AGBL4: variants seen among roughly 807,000 people sequenced by gnomAD.
AGBL4 encodes AGBL carboxypeptidase 4.
Under a neutral mutation model 66.4 loss-of-function variants are expected in AGBL4, and 58 were observed. The ratio of observed to expected loss-of-function variants is 0.87; its 90% confidence interval spans 0.71 to 1.09. AGBL4 has a LOEUF of 1.09. Ranked by LOEUF, AGBL4 falls within the 50% of genes least tolerant of loss-of-function variation. The pLI, the probability that AGBL4 is intolerant of heterozygous loss-of-function variation, is 0.00. For synonymous variants in AGBL4, 234 were observed against 222.9 expected (o/e 1.05, Z -0.44); for missense variants, 579 against 631.0 (o/e 0.92, Z 0.88).
intron 3 of AGBL4, among the ~76,000 whole-genome samples, chr1:49,302,608 TTTTTA>T (rs1167039507): frequency 0.076 from 8,362 of 109,514 alleles, 442 homozygotes; most frequent in East Asian, 0.16. Flanking sequence ...TTATTTTATT[TTTTTA>T]TTTTATTTTA....
At chr1:49,561,044 T>G (rs867468700) in intron 3 of AGBL4, among the ~76,000 whole-genome samples, 2 of 152,062 alleles carry the variant, frequency 1.3e-5, no homozygotes, top group Non-Finnish European at 2.9e-5. Flanking sequence ...AGTAAGGACA[T>G]GGAAAACACA....
intron 6 of AGBL4, among the ~76,000 whole-genome samples, chr1:48,853,299 T>C (rs1647073583): frequency 6.6e-6 from 1 of 152,210 alleles, no homozygotes; most frequent in African/African-American, 2.4e-5. Context: ...ACATCTTAAC[T>C]ATAACCTCAT....
At chr1:49,155,657 A>G (rs143209331) in intron 4 of AGBL4, among the ~76,000 whole-genome samples, 2 of 152,320 alleles carry the variant, frequency 1.3e-5, no homozygotes, top group East Asian at 3.9e-4. Context: ...GTAGGTGAGT[A>G]AAGTAAGATG....
At chr1:48,578,384 G>A (rs1644686605) in intron 11 of AGBL4, among the ~76,000 whole-genome samples, 1 of 152,124 alleles carries the variant, frequency 6.6e-6, no homozygotes, top group South Asian at 2.1e-4. Flanking sequence ...ATGTCTGTAG[G>A]GAGGAGAAAA....
At chr1:49,923,777 C>T (rs556982086) in intron 1 of AGBL4, among the ~76,000 whole-genome samples, 45 of 152,178 alleles carry the variant, frequency 3.0e-4, no homozygotes, top group African/African-American at 1.1e-3. Context: ...CCATTTCACA[C>T]CAGTCAGAAT....
intron 4 of AGBL4, among the ~76,000 whole-genome samples, chr1:49,141,593 A>G (rs1646119133): frequency 6.6e-6 from 1 of 151,848 alleles, no homozygotes; most frequent in Non-Finnish European, 1.5e-5. Context: ...AGAAAACTGA[A>G]GAGGCTAGAT....
intron 2 of AGBL4, among the ~76,000 whole-genome samples, chr1:49,801,457 T>A (rs574892317): frequency 6.6e-6 from 1 of 152,316 alleles, no homozygotes; most frequent in Non-Finnish European, 1.5e-5. Flanking sequence ...TAAAAAAGTG[T>A]TGTTTCAAGC....
intron 4 of AGBL4, among the ~76,000 whole-genome samples, chr1:49,238,640 A>C (rs1325540718): frequency 2.0e-5 from 3 of 152,182 alleles, no homozygotes; most frequent in Non-Finnish European, 4.4e-5. Context: ...TATGCTTCCT[A>C]CTAGCCCTTT....
chr1:48,641,676 G>A (rs548626940), intron 8 of AGBL4, among the ~76,000 whole-genome samples: 6 of 152,084 alleles, frequency 3.9e-5, no homozygotes, highest in East Asian at 1.9e-4. Context: ...ACAGTGTCTC[G>A]TACACAGCTG....
chr1:49,588,930 T>C (rs151237344), intron 3 of AGBL4, among the ~76,000 whole-genome samples: 188 of 148,918 alleles, frequency 1.3e-3, no homozygotes, highest in African/African-American at 4.6e-3. Context: ...ATGCTTCATT[T>C]ATGTTAGAAA....
Position 49,458,427 on chromosome 1 carries a change from T to C in AGBL4, c.283-212563A>G, listed in dbSNP as rs570959325. On this transcript the variant is annotated intron_variant, in intron 3 of 13. Coordinates refer to ENST00000371839, the MANE Select transcript of AGBL4 (RefSeq NM_032785.4). ...GTATCCTGAAACTTTACTGAATTCA[T>C]TTATCAGGTCTAGGTATTTTTTTAG... Among the ~76,000 whole-genome samples the C allele has an allele frequency of 1.1e-4, 16 of 151,856 alleles. No individual in the cohort carries two copies. The South Asian group carries it at 3.3e-3, about 32-fold the overall frequency.
intron 3 of AGBL4, among the ~76,000 whole-genome samples, chr1:49,593,334 G>C (rs1157172022): frequency 1.3e-5 from 2 of 151,534 alleles, no homozygotes; most frequent in Non-Finnish European, 2.9e-5. Context: ...GTGAACCCAG[G>C]AGGCAGAGCT....
chr1:48,998,492 A>T (rs2148987954), intron 5 of AGBL4, among the ~76,000 whole-genome samples: 1 of 152,300 alleles, frequency 6.6e-6, no homozygotes, highest in Non-Finnish European at 1.5e-5. Context: ...TCACTGCAAT[A>T]AATACCAGGC....
intron 3 of AGBL4, among the ~76,000 whole-genome samples, chr1:49,636,729 G>T (rs773767902): frequency 6.6e-6 from 1 of 152,124 alleles, no homozygotes; most frequent in Non-Finnish European, 1.5e-5. Context: ...GACTTGAAAG[G>T]CTCACAAGAA....
intron 3 of AGBL4, among the ~76,000 whole-genome samples, chr1:49,539,455 A>G (rs1299919137): frequency 3.9e-5 from 6 of 151,946 alleles, no homozygotes; most frequent in Non-Finnish European, 8.8e-5. Context: ...ACACACTTCA[A>G]TCTCCTCTCT....
chr1:49,106,603 G>C (rs1645298270), intron 4 of AGBL4, among the ~76,000 whole-genome samples: 1 of 152,122 alleles, frequency 6.6e-6, no homozygotes, highest in South Asian at 2.1e-4. Context: ...ACCTAAGCAA[G>C]GACCCATTCC....
At chr1:49,386,737 A>G (rs1475664179) in intron 3 of AGBL4, among the ~76,000 whole-genome samples, 1 of 152,008 alleles carries the variant, frequency 6.6e-6, no homozygotes, top group Non-Finnish European at 1.5e-5. Flanking sequence ...GATTAAGACA[A>G]TTATCATTTT....
chr1:49,006,667 C>T (rs1255739450), intron 5 of AGBL4, among the ~76,000 whole-genome samples: 1 of 150,752 alleles, frequency 6.6e-6, no homozygotes, highest in East Asian at 2.0e-4. Context: ...TCCCAGTACG[C>T]AGCTGGAGAT....
chr1:48,570,506 A>C (rs1256299926), intron 11 of AGBL4, among the ~76,000 whole-genome samples: 2 of 151,986 alleles, frequency 1.3e-5, no homozygotes, highest in African/African-American at 4.8e-5. Context: ...TGCCTCATAC[A>C]AGTTTGGTGA....
Sources: gnomAD v4.1 joint callset for allele counts (sites outside exome capture counted in the v4.1 genomes callset) on GRCh38, gnomAD v4.1.1 for gene constraint, MANE v1.5 for transcripts, NCBI Gene and HGNC (gene_info 2026-07-23, HGNC 2026-07-21) for gene names.